CSMD3: variants seen among roughly 807,000 people sequenced by gnomAD.
The protein encoded by CSMD3 is CUB and Sushi multiple domains 3, also known as CUB and sushi domain-containing protein 3.
CSMD3 carries 177 observed loss-of-function variants against 435.2 expected under a neutral mutation model. That is an observed-to-expected ratio of 0.41 (90% CI 0.36 to 0.46). The LOEUF is 0.46. CSMD3 is among the 20% of genes least tolerant of loss of function. The pLI is 0.34. For missense variants in CSMD3, 4,265 were observed against 4,504.6 expected (o/e 0.95, Z 1.52); for synonymous variants, 1,656 against 1,520.5 (o/e 1.09, Z -2.07).
At chr8:112,795,795 A>C (rs183938191) in intron 13 of CSMD3, among the ~76,000 whole-genome samples, 87 of 152,242 alleles carry the variant, frequency 5.7e-4, no homozygotes, top group African/African-American at 1.9e-3. Flanking sequence ...CTTCCTAATT[A>C]TTACAATGCC....
At chr8:112,875,548 T>C (rs1344758234) in intron 10 of CSMD3, among the ~76,000 whole-genome samples, 1 of 152,130 alleles carries the variant, frequency 6.6e-6, no homozygotes, top group Non-Finnish European at 1.5e-5. Flanking sequence ...GTCACTTTCA[T>C]GTACAGCAAT....
intron 23 of CSMD3, among the ~76,000 whole-genome samples, chr8:112,585,925 C>A (rs142695488): frequency 1.3e-5 from 2 of 151,558 alleles, no homozygotes; most frequent in Admixed American, 6.6e-5. Flanking sequence ...ACAGAAACAC[C>A]CAAACAATGA....
chr8:112,933,624 A>G (rs2083187792), intron 9 of CSMD3, among the ~76,000 whole-genome samples: 1 of 152,172 alleles, frequency 6.6e-6, no homozygotes, highest in African/African-American at 2.4e-5. Flanking sequence ...AATAAGTCAC[A>G]GTGAATGTGT....
At chr8:113,197,826 A>G (rs1410061653) in intron 3 of CSMD3, among the ~76,000 whole-genome samples, 2 of 151,262 alleles carry the variant, frequency 1.3e-5, no homozygotes, top group African/African-American at 4.8e-5. Context: ...ATATTCAACA[A>G]TGTCTTTAAT....
chr8:112,527,929 T>C (rs1432560256), intron 27 of CSMD3, among the ~76,000 whole-genome samples: 2 of 152,140 alleles, frequency 1.3e-5, no homozygotes, highest in Non-Finnish European at 1.5e-5. Context: ...GGAGCTGGCA[T>C]ATTAACACTC....
chr8:113,309,174 C>T (rs1026234370), intron 2 of CSMD3: 2 of 152,082 alleles, frequency 1.3e-5, no homozygotes, highest in African/African-American at 4.8e-5. Flanking sequence ...TGGTCTCAAA[C>T]TCCCGAGCTC....
At chr8:112,287,035 C>A (rs2130632247) in intron 58 of CSMD3, 29 bp downstream of exon 58, 1 of 1,577,978 alleles carries the variant, frequency 6.3e-7, no homozygotes, top group Non-Finnish European at 8.7e-7. Context: ...CCAGTAGTTG[C>A]AATATATTTA....
chr8:112,415,897 A>T lies in CSMD3; in HGVS notation c.5396-6865T>A, dbSNP rs554420382. On this transcript the variant is annotated intron_variant, in intron 32 of 70. Coordinates refer to ENST00000297405, the MANE Select transcript of CSMD3 (RefSeq NM_198123.2). ...CTCATTTGGAACTGGTGTATTTGCC[A>T]AATGCCTGTACCCCCATTGTATCTA... Among the ~76,000 whole-genome samples, 11 of 152,284 alleles carry T rather than the reference A, an allele frequency of 7.2e-5. No homozygotes were observed. The East Asian group carries it at 2.1e-3, about 29-fold the overall frequency.
chr8:112,240,439 ATTGCCTCAATGG>A (rs74518472), intron 66 of CSMD3, among the ~76,000 whole-genome samples: 26,587 of 151,818 alleles, frequency 0.18, 2,848 homozygotes, highest in Middle Eastern at 0.33. Flanking sequence ...GTATTCTTTG[ATTGCCTCAATGG>A]CATTCAGCAT....
At chr8:113,253,608 G>A (rs898684722) in intron 3 of CSMD3, among the ~76,000 whole-genome samples, 3 of 152,022 alleles carry the variant, frequency 2.0e-5, no homozygotes, top group Middle Eastern at 3.4e-3. Context: ...TTGGTAGGCC[G>A]AGGCGGGCAG....
intron 6 of CSMD3, among the ~76,000 whole-genome samples, chr8:112,985,872 T>C (rs1451352622): frequency 1.3e-5 from 2 of 152,104 alleles, no homozygotes; most frequent in East Asian, 1.9e-4. Flanking sequence ...GCTTCTCCAT[T>C]ATGGTGAGTT....
intron 31 of CSMD3, among the ~76,000 whole-genome samples, chr8:112,482,775 T>C (rs1006018130): frequency 1.3e-5 from 2 of 152,230 alleles, no homozygotes; most frequent in Non-Finnish European, 2.9e-5. Flanking sequence ...TTTAATAATT[T>C]GTTAACTTCT....
chr8:112,969,715 C>T (rs1342229294), intron 7 of CSMD3, among the ~76,000 whole-genome samples: 1 of 151,452 alleles, frequency 6.6e-6, no homozygotes, highest in Non-Finnish European at 1.5e-5. Context: ...AAGAATATAC[C>T]CAAATTTTGT....
intron 13 of CSMD3, among the ~76,000 whole-genome samples, chr8:112,692,109 ATTGTTT>A (rs1167038033): frequency 1.3e-5 from 2 of 151,752 alleles, no homozygotes; most frequent in Admixed American, 1.3e-4. Context: ...GGCAAATTCT[ATTGTTT>A]TTATTTTAAT....
At chr8:112,545,643 C>T (rs777525618) in intron 27 of CSMD3, among the ~76,000 whole-genome samples, 1 of 151,858 alleles carries the variant, frequency 6.6e-6, no homozygotes, top group Non-Finnish European at 1.5e-5. Context: ...TGTTAATCAC[C>T]TGGCATCTGG....
chr8:113,302,293 T>C (rs967606111), intron 2 of CSMD3, among the ~76,000 whole-genome samples: 2 of 7,790 alleles, frequency 2.6e-4, no homozygotes, highest in African/African-American at 3.0e-3. Context: ...ATATATAATA[T>C]AATATAATAT....
intron 49 of CSMD3, among the ~76,000 whole-genome samples, chr8:112,311,930 C>G (rs1481107923): frequency 6.6e-6 from 1 of 152,012 alleles, no homozygotes; most frequent in East Asian, 1.9e-4. Flanking sequence ...CATAACCTGT[C>G]ATTTCTAAAG....
intron 31 of CSMD3, among the ~76,000 whole-genome samples, 162 bp from the exon 32 acceptor site, chr8:112,472,869 TA>T (rs1199723604): frequency 6.6e-6 from 1 of 152,080 alleles, no homozygotes; most frequent in Non-Finnish European, 1.5e-5. Context: ...ATTTGAAAAA[TA>T]AAAAAGTGTA....
chr8:113,028,203 A>C (rs1267069220), intron 5 of CSMD3, among the ~76,000 whole-genome samples: 1 of 152,116 alleles, frequency 6.6e-6, no homozygotes. Flanking sequence ...ATAAACAATG[A>C]AATTTGATGT....
Sources: gnomAD v4.1 joint callset for allele counts (sites outside exome capture counted in the v4.1 genomes callset) on GRCh38, gnomAD v4.1.1 for gene constraint, MANE v1.5 for transcripts, NCBI Gene and HGNC (gene_info 2026-07-23, HGNC 2026-07-21) for gene names.